The following SLC6A19 variants were observed in gnomAD, a reference collection of about 807,000 sequenced individuals.
SLC6A19 encodes solute carrier family 6 member 19.
A neutral mutation model predicts 68.3 loss-of-function variants in SLC6A19; 67 were observed. The observed-to-expected ratio is 0.98, with a 90% CI of 0.81 to 1.20. The LOEUF (loss-of-function observed/expected upper bound fraction) is 1.20, where lower values mean the gene tolerates loss of function less well. SLC6A19 is among the 50% of genes most tolerant of loss of function. The pLI is 0.00. For missense variants in SLC6A19, 813 were observed against 851.6 expected, an observed-to-expected ratio of 0.95 and a Z score of 0.56; for synonymous variants, 392 against 374.9, an observed-to-expected ratio of 1.05 and a Z score of -0.53.
chr5:1,215,357 T>A lies in SLC6A19; in HGVS notation c.888-1201T>A, dbSNP rs1746177863. On this transcript the variant is annotated intron_variant, in intron 6 of 11. Coordinates refer to ENST00000304460, the MANE Select transcript of SLC6A19 (RefSeq NM_001003841.3). This position sits in a 1 kb window ranked among gnomAD's most constrained non-coding sequence, Gnocchi z 5.1. ...GCCAGCCATCAGCACTGTCCAGTTC[T>A]AGAAGGTTCCAATCAGCAAAAGCTC... 1.3e-5 allele frequency among the ~76,000 whole-genome samples: 2 copies of A among 152,236 alleles called. No individual in the cohort carries two copies. The highest frequency in any genetic ancestry group is 4.8e-5 in the African/African-American group (2 of 41,454).
rs1318778079 is a variant in SLC6A19, at chr5:1,224,205, C to T, written c.*2301C>T. ...GTGTGCACTGATGTGCCCTGGCATC[C>T]ATTGGTGTACCCTGGTGTGCCTGCC... On this transcript the variant is annotated 3_prime_UTR_variant, in exon 12 of 12. Transcript: ENST00000304460. The T allele has an allele frequency of 2.0e-5, 3 of 152,296 alleles. No homozygotes were observed. The highest frequency in any genetic ancestry group is 4.4e-5 in the Non-Finnish European group (3 of 68,062). The allele number at this position is 152,296 out of a possible 1,614,324, so 9.4% of individuals were successfully genotyped here. A position where few individuals can be genotyped will look rare whatever the true frequency, so the allele number is the denominator to read the frequency against.
chr5:1,216,877 G>T lies in SLC6A19; in HGVS notation c.1105G>T (p.Ala369Ser). The T allele has an allele frequency of 6.2e-7, 1 of 1,613,712 alleles. No individual in the cohort carries two copies. Among genetic ancestry groups the T allele is most frequent in the Non-Finnish European group, 8.5e-7 (1 of 1,180,038 alleles). ...TGTGGACATGCAGCAGCGGTGCAAC[G>T]CCTCCGACCCCGCGGCCTACGCGCA... The part of the protein sequence containing the change: ...NFVDMQQRCN[A>S]SDPAAYAQLV... Residue 369 changes from alanine to serine, a missense_variant, in exon 8 of 12, where the codon GCC becomes TCC. Coordinates refer to ENST00000304460, the MANE Select transcript of SLC6A19 (RefSeq NM_001003841.3).
rs551305262 is a variant in SLC6A19 at position 1,209,945 on chromosome 5, T to C, written c.344-499T>C. ...AGAACATTCCCCTCTGCAGTTTCTG[T>C]TGTCTCCCCTCTCATGAGTCCTCCA... On this transcript the variant is annotated intron_variant, in intron 2 of 11. Coordinates refer to ENST00000304460, the MANE Select transcript of SLC6A19 (RefSeq NM_001003841.3). This position sits in a 1 kb window ranked among gnomAD's most constrained non-coding sequence, Gnocchi z 5.5. Among the ~76,000 whole-genome samples the C allele has an allele frequency of 1.3e-5, 2 of 152,384 alleles. No homozygotes were observed. The highest frequency in any genetic ancestry group is 4.8e-5 in the African/African-American group (2 of 41,590).
At chr5:1,221,067 G>C (rs1325251714) in intron 10 of SLC6A19, 84 bp from the exon 11 acceptor site, 2 of 1,544,040 alleles carry the variant, frequency 1.3e-6, no homozygotes, top group Non-Finnish European at 1.8e-6. Context: ...CACACCATCT[G>C]TTCGGGTAGC....
rs1427962149 is a variant in SLC6A19, at chr5:1,212,858, A to G, written c.663+374A>G. 6.6e-6 allele frequency among the ~76,000 whole-genome samples: 1 copy of G among 152,208 alleles called. No individual in the cohort carries two copies. Among genetic ancestry groups the G allele is most frequent in the Non-Finnish European group, 1.5e-5 (1 of 67,980 alleles). ...AGAGTAAGGCTTGATCTTCCCCTAC[A>G]TGGGAATCTTTGGTACGAGGTCCAG... On this transcript the variant is annotated intron_variant, in intron 4 of 11. Coordinates refer to ENST00000304460, the MANE Select transcript of SLC6A19 (RefSeq NM_001003841.3). The surrounding 1 kb of genome is among the most constrained non-coding windows in gnomAD (Gnocchi z 5.1).
chr5:1,214,207 G>C lies in SLC6A19; in HGVS notation c.887+142G>C, dbSNP rs534700077. 4.3e-5 allele frequency: 63 copies of C among 1,476,948 alleles called. No homozygotes were observed. Among genetic ancestry groups the C allele is most frequent in the Non-Finnish European group, 5.4e-5 (60 of 1,102,186 alleles). The allele number at this position is 1,476,948 out of a possible 1,614,324, so 91.5% of individuals were successfully genotyped here. On this transcript the variant is annotated intron_variant, in intron 6 of 11. Coordinates refer to ENST00000304460, the MANE Select transcript of SLC6A19 (RefSeq NM_001003841.3). This position sits in a 1 kb window ranked among gnomAD's most constrained non-coding sequence, Gnocchi z 7.4. ...CCGATGGGCCCGTTCCCTCCTGCTC[G>C]GGGTCCATGTGAGCTGAGTCTAGAG... is the stretch of plus-strand genomic sequence containing the variant.
chr5:1,222,077 T>C lies in SLC6A19; in HGVS notation c.*173T>C. ...CATGTGTGCAGATATGTATCGTGTGTGCATGTACATGCATGGGCACTGTGT... is the reference window on the plus strand; with the variant it reads ...CATGTGTGCAGATATGTATCGTGTGCGCATGTACATGCATGGGCACTGTGT... On this transcript the variant is annotated 3_prime_UTR_variant, in exon 12 of 12. Transcript: ENST00000304460. 1 of 699,920 alleles carries C rather than the reference T, an allele frequency of 1.4e-6. No individual in the cohort carries two copies. Among genetic ancestry groups the C allele is most frequent in the South Asian group, 1.8e-5 (1 of 55,556 alleles). The allele number at this position is 699,920 out of a possible 1,614,324, so 43.4% of individuals were successfully genotyped here.
In SLC6A19 at chr5:1,221,704, G is replaced by T. The variant is rs182081474; in HGVS notation, c.1705G>T (p.Glu569Ter). 1 of 1,613,846 alleles carries T rather than the reference G, an allele frequency of 6.2e-7. No individual in the cohort carries two copies. Among genetic ancestry groups the T allele is most frequent in the Non-Finnish European group, 8.5e-7 (1 of 1,179,886 alleles). ...TYSIWDPGYE[E>*]FPKSQKISYP... ...ACCCATGGGGCTCTCTCCCCAGGAG[G>T]AATTTCCCAAATCCCAGAAGATCTC... is the stretch of plus-strand genomic sequence containing the variant. Residue 569 changes from glutamate (E) to a stop codon, truncating the protein, a stop_gained, in exon 12 of 12, where the codon GAA becomes TAA. Coordinates refer to ENST00000304460, the MANE Select transcript of SLC6A19 (RefSeq NM_001003841.3). LOFTEE classifies it low-confidence loss of function (END_TRUNC).
Position 1,212,164 on chromosome 5 carries a change from G to A in SLC6A19, c.482-139G>A. Reference sequence around the variant, plus strand: ...TGCGTGCACGTGAGCATGTGTGCCTGTGTTCATGTGCACGTGTGGGCGTGT... The same window carrying A: ...TGCGTGCACGTGAGCATGTGTGCCTATGTTCATGTGCACGTGTGGGCGTGT... On this transcript the variant is annotated intron_variant, in intron 3 of 11. Transcript: ENST00000304460. This position sits in a 1 kb window ranked among gnomAD's most constrained non-coding sequence, Gnocchi z 5.1. The A allele has an allele frequency of 1.0e-6, 1 of 972,918 alleles. No individual in the cohort carries two copies. Among genetic ancestry groups the A allele is most frequent in the Non-Finnish European group, 1.6e-6 (1 of 626,054 alleles). The allele number at this position is 972,918 out of a possible 1,614,324, so 60.3% of individuals were successfully genotyped here.
In SLC6A19 at chr5:1,213,950, C is replaced by A; in HGVS notation, c.775-3C>A. Reference sequence around the variant, plus strand: ...AGTGGCTGAGGGTCTCCATGTGGCGCAGGTCACGGAGCTGGCCCAGCCGGA... The same window carrying A: ...AGTGGCTGAGGGTCTCCATGTGGCGAAGGTCACGGAGCTGGCCCAGCCGGA... On this transcript the variant is annotated splice_polypyrimidine_tract_variant and splice_region_variant and intron_variant, in intron 5 of 11. Transcript: ENST00000304460. The A allele has an allele frequency of 1.2e-6, 2 of 1,612,998 alleles. No homozygotes were observed. The highest frequency in any genetic ancestry group is 1.3e-5 in the African/African-American group (1 of 75,054).
chr5:1,210,723 A>C, intron 3 of SLC6A19, 142 bp downstream of exon 3: 5 of 1,262,316 alleles, frequency 4.0e-6, no homozygotes, highest in Non-Finnish European at 5.6e-6. Flanking sequence ...AAATGACAGC[A>C]CGAAAGAAAA....
At position 1,222,130 on chromosome 5, in the gene SLC6A19, CAT is replaced by C. The variant is rs57858472; in HGVS notation, c.*227_*228del. 0.057 allele frequency: 34,911 copies of C among 609,386 alleles called. 1,342 individuals carry two copies. Among genetic ancestry groups the C allele is most frequent in the African/African-American group, 0.11 (6,205 of 54,160 alleles). The allele number at this position is 609,386 out of a possible 1,614,324, so 37.7% of individuals were successfully genotyped here. ...GTGTGCACGTGTATGCACACATATA[CAT>C]GTGTGTGGGTGTGTGTATTGTATGT... is the stretch of plus-strand genomic sequence containing the variant. On this transcript the variant is annotated 3_prime_UTR_variant, in exon 12 of 12. Transcript: ENST00000304460.
chr5:1,203,479 G>A (rs551065825), intron 1 of SLC6A19, among the ~76,000 whole-genome samples: 1 of 152,294 alleles, frequency 6.6e-6, no homozygotes, highest in East Asian at 1.9e-4. Context: ...CAGGGCTCTG[G>A]GATGTGCTGG....
chr5:1,206,997 C>T (rs781024283), intron 1 of SLC6A19, among the ~76,000 whole-genome samples: 20 of 152,122 alleles, frequency 1.3e-4, no homozygotes, highest in East Asian at 1.9e-4. Context: ...CCGGCTGCAG[C>T]GTGGCCCTTC....
rs1164679353 is a variant in SLC6A19 at position 1,216,608 on chromosome 5, C to T, written c.938C>T (p.Thr313Ile). The change falls in exon 7 of 12, where the codon ACA (threonine) becomes ATA (isoleucine). Residue 313 changes from threonine to isoleucine, a missense_variant. Physicochemically the swap from Thr to Ile is moderately conservative, Grantham distance 89. Transcript: ENST00000304460. ...SVIVSIINGF[T>I]SVYVAIVVYS... ...ATTGTGTCCATCATCAACGGCTTCA[C>T]ATCGGTGTATGTGGCCATCGTGGTC... 1 of 1,614,174 alleles carries T rather than the reference C, an allele frequency of 6.2e-7. No individual in the cohort carries two copies. The highest frequency in any genetic ancestry group is 1.1e-5 in the South Asian group (1 of 91,092).
chr5:1,202,107 C>A (rs1745722743), intron 1 of SLC6A19, among the ~76,000 whole-genome samples: 1 of 152,170 alleles, frequency 6.6e-6, no homozygotes, highest in African/African-American at 2.4e-5. Context: ...GCCCTGTGTT[C>A]CAGACTGGCA....
intron 10 of SLC6A19, among the ~76,000 whole-genome samples, chr5:1,220,482 C>G (rs1319954794): frequency 6.6e-6 from 1 of 152,026 alleles, no homozygotes; most frequent in African/African-American, 2.4e-5. Context: ...AGGCACAGCC[C>G]TGCAGGCTCC....
chr5:1,206,536 G>T (rs1745857105), intron 1 of SLC6A19, among the ~76,000 whole-genome samples: 1 of 152,200 alleles, frequency 6.6e-6, no homozygotes, highest in African/African-American at 2.4e-5. Flanking sequence ...GGGTCGGGAA[G>T]GGAGGCGATG....
At chr5:1,211,803 G>C (rs1425873788) in intron 3 of SLC6A19, among the ~76,000 whole-genome samples, 2 of 151,822 alleles carry the variant, frequency 1.3e-5, no homozygotes, top group African/African-American at 4.8e-5. Context: ...GTGTGCCTGT[G>C]TGCATGTGTG....
Sources: allele counts gnomAD v4.1 joint callset (sites outside exome capture counted in the v4.1 genomes callset), GRCh38; gene constraint gnomAD v4.1.1; non-coding constraint Gnocchi (gnomAD v3.1); transcripts MANE v1.5; gene names NCBI Gene and HGNC (gene_info 2026-07-23, HGNC 2026-07-21).